XKR4: variants seen among roughly 807,000 people sequenced by gnomAD.
XKR4 encodes the protein XK related 4.
In XKR4, 12 loss-of-function variants were observed where a neutral mutation model predicts 53.9. The observed-to-expected ratio is 0.22, with a 90% CI of 0.14 to 0.36. The LOEUF (loss-of-function observed/expected upper bound fraction) is 0.36, where lower values mean the gene tolerates loss of function less well. Ranked by LOEUF, XKR4 falls within the 10% of genes least tolerant of loss-of-function variation. XKR4 has a pLI of 1.00. For missense variants in XKR4, 799 were observed against 859.5 expected, an observed-to-expected ratio of 0.93 and a Z score of 0.88; for synonymous variants, 354 against 362.4, an observed-to-expected ratio of 0.98 and a Z score of 0.26.
chr8:55,437,369 A>G (rs1393698558), intron 2 of XKR4, among the ~76,000 whole-genome samples: 1 of 152,106 alleles, frequency 6.6e-6, no homozygotes, highest in Non-Finnish European at 1.5e-5. Flanking sequence ...TCTACCCCAA[A>G]TCAGATTTAG....
chr8:55,419,894 C>T lies in XKR4; in HGVS notation c.1006+62017C>T, dbSNP rs1297733478. 2.0e-5 allele frequency among the ~76,000 whole-genome samples: 3 copies of T among 152,238 alleles called. No homozygotes were observed. In the East Asian group the frequency reaches 5.8e-4, roughly 29 times the overall value. On this transcript the variant is annotated intron_variant, in intron 2 of 2. Transcript: ENST00000327381. ...TTTCATTAGCTGCTTCTTCCAATTT[C>T]TTCCTTCTGTATCCAACTCTTAAAC... is the stretch of plus-strand genomic sequence containing the variant.
chr8:55,248,646 G>A (rs1164018936), intron 1 of XKR4, among the ~76,000 whole-genome samples: 4 of 151,410 alleles, frequency 2.6e-5, no homozygotes, highest in South Asian at 2.1e-4. Context: ...CTTTTTTTTT[G>A]CATGTTTCAT....
intron 2 of XKR4, among the ~76,000 whole-genome samples, chr8:55,362,558 A>G (rs940918400): frequency 1.3e-5 from 2 of 152,176 alleles, no homozygotes; most frequent in African/African-American, 2.4e-5. Context: ...GACTGCAGAA[A>G]CAAAGACAGC....
chr8:55,493,967 TGTGGCTA>T (rs1463959443), intron 2 of XKR4, among the ~76,000 whole-genome samples: 3 of 152,272 alleles, frequency 2.0e-5, no homozygotes, highest in African/African-American at 7.2e-5. Flanking sequence ...TGGAAATCTC[TGTGGCTA>T]GTGGTGCCTT....
At chr8:55,458,539 T>A (rs922999679) in intron 2 of XKR4, among the ~76,000 whole-genome samples, 1 of 152,208 alleles carries the variant, frequency 6.6e-6, no homozygotes, top group Admixed American at 6.5e-5. Context: ...TTGTCCAGCA[T>A]CCAGGAGGAG....
At chr8:55,307,558 G>A (rs368079040) in intron 1 of XKR4, among the ~76,000 whole-genome samples, 50 of 152,224 alleles carry the variant, frequency 3.3e-4, no homozygotes, top group African/African-American at 1.1e-3. Flanking sequence ...GGAGGCTGAG[G>A]TGGAAGGATC....
At chr8:55,313,801 G>C (rs542381035) in intron 1 of XKR4, among the ~76,000 whole-genome samples, 9 of 152,112 alleles carry the variant, frequency 5.9e-5, no homozygotes, top group Admixed American at 4.6e-4. Flanking sequence ...GGGGGCTCTC[G>C]TTTGAAAGCA....
chr8:55,149,253 T>C (rs532387339), intron 1 of XKR4, among the ~76,000 whole-genome samples: 1 of 152,350 alleles, frequency 6.6e-6, no homozygotes, highest in Non-Finnish European at 1.5e-5. Flanking sequence ...ATTATCTAAC[T>C]AATTGTTTCC....
At chr8:55,445,278 C>T (rs1320357319) in intron 2 of XKR4, among the ~76,000 whole-genome samples, 2 of 152,016 alleles carry the variant, frequency 1.3e-5, no homozygotes, top group African/African-American at 2.4e-5. Context: ...AGGATGGTCT[C>T]GATCTCCTGA....
intron 2 of XKR4, 118 bp from the exon 3 acceptor site, chr8:55,523,159 GAAAT>G (rs2129405963): frequency 1.6e-6 from 1 of 620,328 alleles, no homozygotes; most frequent in East Asian, 3.1e-5. Context: ...AAAAAAAAAA[GAAAT>G]TAAGAGTCTT....
At position 55,287,140 on chromosome 8, in the gene XKR4, GGA is replaced by G. The variant is rs1491284241; in HGVS notation, c.807-70537_807-70536del. Among the ~76,000 whole-genome samples, 5 of 116,366 alleles carry G rather than the reference GGA, an allele frequency of 4.3e-5. No individual in the cohort carries two copies. In the East Asian group the frequency reaches 8.0e-4, roughly 19 times the overall value. The allele number at this position is 116,366 out of a possible 152,430, so 76.3% of individuals were successfully genotyped here. On this transcript the variant is annotated intron_variant, in intron 1 of 2. Transcript: ENST00000327381. ...TCAAATAATTATTGGGTGGGGGGGG[GGA>G]ACCTTCAATAATACAGGAAGAAATT...
chr8:55,141,645 T>TTCTCTCTC (rs138063196), intron 1 of XKR4, among the ~76,000 whole-genome samples: 1,889 of 111,940 alleles, frequency 0.017, 43 homozygotes, highest in South Asian at 0.043. Flanking sequence ...GTGCTTCTGC[T>TTCTCTCTC]TCTCTCTCTC....
At chr8:55,413,245 T>G (rs1397158763) in intron 2 of XKR4, among the ~76,000 whole-genome samples, 1 of 152,238 alleles carries the variant, frequency 6.6e-6, no homozygotes, top group Non-Finnish European at 1.5e-5. Context: ...CTTTTTTAAA[T>G]GGAGTCTCAC....
chr8:55,200,941 A>G (rs144469544), intron 1 of XKR4, among the ~76,000 whole-genome samples: 13 of 152,356 alleles, frequency 8.5e-5, no homozygotes, highest in Admixed American at 4.6e-4. Flanking sequence ...TAACTGAATC[A>G]TACTAAAATA....
intron 2 of XKR4, among the ~76,000 whole-genome samples, chr8:55,478,287 T>A (rs2129400880): frequency 6.6e-6 from 1 of 152,120 alleles, no homozygotes; most frequent in East Asian, 1.9e-4. Context: ...GAATTTCATA[T>A]CCAGCCAAAC....
rs189767670 is a variant in XKR4, at chr8:55,502,560, C to T, written c.1007-20721C>T. 2.6e-5 allele frequency among the ~76,000 whole-genome samples: 4 copies of T among 151,964 alleles called. No individual in the cohort carries two copies. The East Asian group carries it at 7.7e-4, about 29-fold the overall frequency. On this transcript the variant is annotated intron_variant, in intron 2 of 2. Transcript: ENST00000327381. ...GAAATATCTGTTCAAATTCCTTTGC[C>T]CATTTCTAAATTGAATTTTGGGGTG...
At chr8:55,202,417 G>A (rs1422780530) in intron 1 of XKR4, among the ~76,000 whole-genome samples, 1 of 152,148 alleles carries the variant, frequency 6.6e-6, no homozygotes, top group Non-Finnish European at 1.5e-5. Flanking sequence ...CCTCACCAAG[G>A]GGCCCCTCCA....
intron 2 of XKR4, among the ~76,000 whole-genome samples, chr8:55,367,891 C>A (rs903740846): frequency 6.6e-6 from 1 of 152,134 alleles, no homozygotes; most frequent in Non-Finnish European, 1.5e-5. Flanking sequence ...ACTGGTACCC[C>A]CCTTCACCTT....
intron 1 of XKR4, among the ~76,000 whole-genome samples, chr8:55,152,492 C>T (rs546141217): frequency 6.6e-6 from 1 of 151,986 alleles, no homozygotes; most frequent in East Asian, 1.9e-4. Flanking sequence ...ATTTTTTTGT[C>T]TTCAAAGAAT....
Sources: gnomAD v4.1 joint callset for allele counts (sites outside exome capture counted in the v4.1 genomes callset) on GRCh38, gnomAD v4.1.1 for gene constraint, MANE v1.5 for transcripts, NCBI Gene and HGNC (gene_info 2026-07-23, HGNC 2026-07-21) for gene names.